TLE1: variants seen among roughly 807,000 people sequenced by gnomAD.
TLE1 encodes the protein TLE family member 1, transcriptional corepressor.
A neutral mutation model predicts 89.8 loss-of-function variants in TLE1; 21 were observed. The observed-to-expected ratio is 0.23, with a 90% CI of 0.17 to 0.34. The LOEUF is 0.34. TLE1 is among the 10% of genes least tolerant of loss of function. The pLI is 1.00. For missense variants in TLE1, 795 were observed against 1,031.2 expected (o/e 0.77, Z 3.14); for synonymous variants, 447 against 407.6 (o/e 1.10, Z -1.16).
At chr9:81,614,578 C>T (rs989510198) in intron 11 of TLE1, among the ~76,000 whole-genome samples, 2 of 152,122 alleles carry the variant, frequency 1.3e-5, no homozygotes, top group African/African-American at 2.4e-5. Context: ...TCATGAGCCA[C>T]GGCTGTGTAG....
chr9:81,628,836 A>T (rs1826220572), intron 8 of TLE1, among the ~76,000 whole-genome samples: 2 of 152,148 alleles, frequency 1.3e-5, no homozygotes. Context: ...TGAAAGACAG[A>T]TGAGTGGTGC....
chr9:81,687,321 G>A lies in TLE1; in HGVS notation c.125+13C>T, dbSNP rs2133201647. ...CGCCCGCGACCACTCGCATGGCGCGGCCGGACACGCACCTGTGATACTGCG... is the reference window on the plus strand; with the variant it reads ...CGCCCGCGACCACTCGCATGGCGCGACCGGACACGCACCTGTGATACTGCG... On this transcript the variant is annotated intron_variant, in intron 2 of 19. Coordinates refer to ENST00000376499, the MANE Select transcript of TLE1 (RefSeq NM_005077.5). 1.3e-6 allele frequency: 2 copies of A among 1,594,352 alleles called. No individual in the cohort carries two copies. Among genetic ancestry groups the A allele is most frequent in the African/African-American group, 1.3e-5 (1 of 74,848 alleles).
chr9:81,673,295 C>CAT, intron 4 of TLE1, among the ~76,000 whole-genome samples: 1 of 81,160 alleles, frequency 1.2e-5, no homozygotes, highest in Non-Finnish European at 2.7e-5. Context: ...AAAAAAAAAA[C>CAT]AGACTGCCAA....
chr9:81,606,634 G>A (rs903734996), intron 14 of TLE1, among the ~76,000 whole-genome samples: 2 of 152,078 alleles, frequency 1.3e-5, no homozygotes, highest in Non-Finnish European at 2.9e-5. Context: ...CAGCAGGTGG[G>A]GGACTGGGGG....
Position 81,688,464 on chromosome 9 carries a change from T to C in TLE1, c.-224A>G, listed in dbSNP as rs1211656865. The C allele has an allele frequency of 6.6e-6, 3 of 455,796 alleles. No individual in the cohort carries two copies. The highest frequency in any genetic ancestry group is 1.1e-5 in the Non-Finnish European group (3 of 262,820). 28.2% of individuals were successfully genotyped at this position (455,796 alleles called of 1,614,324 possible). On this transcript the variant is annotated 5_prime_UTR_variant, in exon 1 of 20. Coordinates refer to ENST00000376499, the MANE Select transcript of TLE1 (RefSeq NM_005077.5). ...GCTCCGGCCCTCAGGGCCACATTAG[T>C]GGGCGCCCCAGGCCCAGCTGCTTCA...
chr9:81,654,926 GTGATGGTCAAGTCA>G (rs1658403093), intron 4 of TLE1, among the ~76,000 whole-genome samples: 1 of 152,168 alleles, frequency 6.6e-6, no homozygotes, highest in Non-Finnish European at 1.5e-5. Flanking sequence ...AGTCTAGAGG[GTGATGGTCAAGTCA>G]TGATATCCTG....
At chr9:81,653,842 T>G (rs1588133627) in intron 5 of TLE1, 132 bp downstream of exon 5, 1 of 753,842 alleles carries the variant, frequency 1.3e-6, no homozygotes, top group Non-Finnish European at 2.2e-6. Flanking sequence ...TAGCAGGGGG[T>G]TTACACACTT....
chr9:81,635,491 C>T (rs532535960), intron 6 of TLE1, among the ~76,000 whole-genome samples: 18 of 152,212 alleles, frequency 1.2e-4, no homozygotes, highest in Admixed American at 1.0e-3. Context: ...GAAAAAGTAT[C>T]CAAGAAATGG....
intron 4 of TLE1, among the ~76,000 whole-genome samples, chr9:81,658,932 T>TG (rs1830451579): frequency 1.3e-5 from 2 of 152,050 alleles, no homozygotes; most frequent in Admixed American, 6.6e-5. Context: ...TTTTTTTAGA[T>TG]GGAGTCTTGC....
chr9:81,664,131 G>A (rs1831168691), intron 4 of TLE1, among the ~76,000 whole-genome samples: 1 of 151,878 alleles, frequency 6.6e-6, no homozygotes, highest in African/African-American at 2.4e-5. Flanking sequence ...TATACCTAAA[G>A]AAAGTTAGGA....
intron 4 of TLE1, among the ~76,000 whole-genome samples, chr9:81,672,637 A>T (rs1323730340): frequency 1.3e-5 from 2 of 151,336 alleles, no homozygotes; most frequent in African/African-American, 4.9e-5. Flanking sequence ...ACATGCACAC[A>T]CTCCCCACAG....
In TLE1 at chr9:81,585,370, T is replaced by C. The variant is rs182751409; in HGVS notation, c.2128+135A>G. On this transcript the variant is annotated intron_variant, in intron 18 of 19. Transcript: ENST00000376499. ...ACATTGCTGTGCTCTGAAGGGCATA[T>C]TAAAACAATAGAATTATTGCATCCA... 26 of 1,174,312 alleles carry C rather than the reference T, an allele frequency of 2.2e-5. No individual in the cohort carries two copies. The East Asian group carries it at 6.0e-4, about 27-fold the overall frequency. 72.7% of individuals were successfully genotyped at this position (1,174,312 alleles called of 1,614,324 possible).
In TLE1 at chr9:81,623,894, C is replaced by T. The variant is rs187478052; in HGVS notation, c.595-3337G>A. ...CAAACCTGAGAAGAGGCCAAAGCAA[C>T]CACTGAGACATTTCGTTCCTCTTCC... is the stretch of plus-strand genomic sequence containing the variant. On this transcript the variant is annotated intron_variant, in intron 8 of 19. Transcript: ENST00000376499. Among the ~76,000 whole-genome samples the T allele has an allele frequency of 6.6e-5, 10 of 152,258 alleles. No homozygotes were observed. In the East Asian group the frequency reaches 1.9e-3, roughly 29 times the overall value.
At position 81,688,411 on chromosome 9, in the gene TLE1, G is replaced by A. The variant is rs919532027; in HGVS notation, c.-171C>T. ...CACCGGCCACTCGGCGCCCGCAGCT[G>A]CTCCGGCTCCCGCTCCCGTCGGTGC... On this transcript the variant is annotated 5_prime_UTR_variant, in exon 1 of 20. Coordinates refer to ENST00000376499, the MANE Select transcript of TLE1 (RefSeq NM_005077.5). The A allele has an allele frequency of 2.6e-5, 17 of 650,940 alleles. No homozygotes were observed. In the African/African-American group the frequency reaches 3.3e-4, roughly 13 times the overall value. 40.3% of individuals were successfully genotyped at this position (650,940 alleles called of 1,614,324 possible). A position where few individuals can be genotyped will look rare whatever the true frequency, so the allele number is the denominator to read the frequency against.
At chr9:81,616,944 A>G (rs919923430) in intron 9 of TLE1, among the ~76,000 whole-genome samples, 1 of 152,138 alleles carries the variant, frequency 6.6e-6, no homozygotes, top group Non-Finnish European at 1.5e-5. Flanking sequence ...CAACTATCCA[A>G]TCACAACTTG....
At chr9:81,668,168 GA>G (rs35867645) in intron 4 of TLE1, among the ~76,000 whole-genome samples, 124,701 of 146,474 alleles carry the variant, frequency 0.85, 53,246 homozygotes, top group African/African-American at 0.95. Context: ...ACTGCATCTC[GA>G]AAAAAAAAAA....
At chr9:81,687,180 G>A (rs1463151816) in intron 2 of TLE1, among the ~76,000 whole-genome samples, 154 bp downstream of exon 2, 3 of 152,206 alleles carry the variant, frequency 2.0e-5, no homozygotes, top group East Asian at 1.9e-4. Flanking sequence ...GGAAGAACCA[G>A]GAAAGGGGGT....
chr9:81,636,861 G>C (rs1194249077), intron 6 of TLE1, among the ~76,000 whole-genome samples: 1 of 152,074 alleles, frequency 6.6e-6, no homozygotes, highest in Non-Finnish European at 1.5e-5. Flanking sequence ...CAATAAGCCA[G>C]GTGTGGTGGC....
At chr9:81,608,949 AAAAG>A (rs1360043368) in intron 14 of TLE1, among the ~76,000 whole-genome samples, 4 of 152,128 alleles carry the variant, frequency 2.6e-5, no homozygotes, top group Non-Finnish European at 5.9e-5. Flanking sequence ...AATAATAAAA[AAAAG>A]AAAGAAAGAA....
Sources: allele counts gnomAD v4.1 joint callset (sites outside exome capture counted in the v4.1 genomes callset), GRCh38; gene constraint gnomAD v4.1.1; transcripts MANE v1.5; gene names NCBI Gene and HGNC (gene_info 2026-07-23, HGNC 2026-07-21).